Variants in GSK3B observed in about 807,000 individuals in gnomAD.
The protein encoded by GSK3B is glycogen synthase kinase 3 beta.
A neutral mutation model predicts 56.4 loss-of-function variants in GSK3B; 15 were observed. The observed-to-expected ratio is 0.27, with a 90% CI of 0.18 to 0.41. GSK3B has a LOEUF of 0.41. Among genes scored for constraint, GSK3B ranks in the 10% least tolerant of loss-of-function variants. GSK3B has a pLI of 1.00. For missense variants in GSK3B, 300 were observed against 513.4 expected (o/e 0.58, Z 4.02); for synonymous variants, 181 against 188.9 (o/e 0.96, Z 0.34).
intron 10 of GSK3B, among the ~76,000 whole-genome samples, chr3:119,840,163 G>A (rs1374835720): frequency 6.6e-6 from 1 of 151,992 alleles, no homozygotes; most frequent in Non-Finnish European, 1.5e-5. Context: ...TGTCATAAGA[G>A]GATGGATGTC....
At chr3:120,040,148 C>A (rs1405917732) in intron 1 of GSK3B, among the ~76,000 whole-genome samples, 1 of 152,220 alleles carries the variant, frequency 6.6e-6, no homozygotes, top group Non-Finnish European at 1.5e-5. Flanking sequence ...AAAGTATTTC[C>A]TTGGTGGTTG....
Position 119,965,364 on chromosome 3 carries a change from AT to A in GSK3B, c.283-18014del, listed in dbSNP as rs1187887031. Among the ~76,000 whole-genome samples the A allele has an allele frequency of 7.2e-3, 997 of 139,066 alleles. 5 individuals carry two copies. The highest frequency in any genetic ancestry group is 0.011 in the Non-Finnish European group (686 of 64,108). The allele number at this position is 139,066 out of a possible 152,430, so 91.2% of individuals were successfully genotyped here. The stretch of plus-strand genomic sequence containing the variant: ...CAGGTGTTAGCCACCGTGCCCAGCC[AT>A]TTTTTTTTTTTATTTTTATAGAGAC... On this transcript the variant is annotated intron_variant, in intron 2 of 10. Coordinates refer to ENST00000264235, the MANE Select transcript of GSK3B (RefSeq NM_001146156.2).
intron 4 of GSK3B, among the ~76,000 whole-genome samples, chr3:119,922,275 A>AAGGAAGGAAGGAAGGAAGGAAGGG (rs1202734045): frequency 2.8e-5 from 4 of 142,330 alleles, no homozygotes; most frequent in African/African-American, 5.1e-5. Context: ...GGAAGGAAGG[A>AAGGAAGGAAGGAAGGAAGGAAGGG]AGGGAGGAGG....
intron 3 of GSK3B, among the ~76,000 whole-genome samples, chr3:119,937,994 C>G (rs899723269): frequency 6.6e-6 from 1 of 150,568 alleles, no homozygotes; most frequent in Non-Finnish European, 1.5e-5. Flanking sequence ...TACAAATAAT[C>G]GTATGTTAAC....
At chr3:119,892,389 C>G (rs940362637) in intron 7 of GSK3B, among the ~76,000 whole-genome samples, 1 of 152,186 alleles carries the variant, frequency 6.6e-6, no homozygotes, top group Non-Finnish European at 1.5e-5. Context: ...TATTTATCCA[C>G]TCCCTTCCGC....
intron 1 of GSK3B, among the ~76,000 whole-genome samples, chr3:120,046,136 T>C (rs1286247134): frequency 2.0e-5 from 3 of 152,000 alleles, no homozygotes. Flanking sequence ...AATAGGTGGA[T>C]GTTGGGATTC....
intron 7 of GSK3B, among the ~76,000 whole-genome samples, chr3:119,885,659 A>T (rs1249430816): frequency 6.6e-6 from 1 of 152,166 alleles, no homozygotes; most frequent in Non-Finnish European, 1.5e-5. Context: ...ACTGTACTAT[A>T]AGGCTACATT....
intron 8 of GSK3B, among the ~76,000 whole-genome samples, chr3:119,873,811 A>G (rs1205230496): frequency 6.6e-6 from 1 of 152,140 alleles, no homozygotes; most frequent in East Asian, 1.9e-4. Flanking sequence ...CAAATGAGGA[A>G]CCAACATAAG....
chr3:119,925,129 G>C (rs2056878394), intron 3 of GSK3B, among the ~76,000 whole-genome samples: 1 of 152,032 alleles, frequency 6.6e-6, no homozygotes, highest in South Asian at 2.1e-4. Flanking sequence ...ATGAGTTTGA[G>C]ACCAGCCTGG....
intron 7 of GSK3B, among the ~76,000 whole-genome samples, chr3:119,888,696 T>C (rs2056467514): frequency 6.6e-6 from 1 of 151,998 alleles, no homozygotes; most frequent in African/African-American, 2.4e-5. Flanking sequence ...TTGGGCAAAA[T>C]AGAGCCATAT....
chr3:119,899,147 T>C (rs750112970), intron 7 of GSK3B, among the ~76,000 whole-genome samples: 7 of 152,088 alleles, frequency 4.6e-5, no homozygotes, highest in Non-Finnish European at 7.4e-5. Context: ...AACGGGCAGG[T>C]AGTGTATACA....
intron 2 of GSK3B, among the ~76,000 whole-genome samples, chr3:119,998,679 C>A (rs2057647539): frequency 6.6e-6 from 1 of 152,102 alleles, no homozygotes; most frequent in African/African-American, 2.4e-5. Context: ...CAGGGCCAGG[C>A]ATGATGATTC....
chr3:120,002,257 AT>A lies in GSK3B; in HGVS notation c.89-19del, dbSNP rs72546692. ...CTTGTCTCCTAAAGGAAGAAAGGAAATTTTTTTTTCACGAGAACTGTAAGGA... is the reference window on the plus strand; with the variant it reads ...CTTGTCTCCTAAAGGAAGAAAGGAAATTTTTTTTCACGAGAACTGTAAGGA... On this transcript the variant is annotated intron_variant, in intron 1 of 10. Transcript: ENST00000264235. 1.3e-4 allele frequency: 191 copies of A among 1,476,064 alleles called. 1 individual carries two copies. The highest frequency in any genetic ancestry group is 5.6e-4 in the South Asian group (38 of 68,436). The allele number at this position is 1,476,064 out of a possible 1,614,324, so 91.4% of individuals were successfully genotyped here.
At chr3:119,829,851 AATT>A (rs1452798136) in intron 10 of GSK3B, among the ~76,000 whole-genome samples, 1 of 152,208 alleles carries the variant, frequency 6.6e-6, no homozygotes, top group South Asian at 2.1e-4. Flanking sequence ...TTTTCTCTTG[AATT>A]ATTTTCAAAT....
chr3:120,033,431 C>G (rs572414386), intron 1 of GSK3B, among the ~76,000 whole-genome samples: 1 of 152,314 alleles, frequency 6.6e-6, no homozygotes, highest in African/African-American at 2.4e-5. Context: ...ATTTTACATT[C>G]CCACAGCAGT....
At chr3:119,906,656 C>A (rs1194717962) in intron 6 of GSK3B, among the ~76,000 whole-genome samples, 1 of 152,016 alleles carries the variant, frequency 6.6e-6, no homozygotes, top group Non-Finnish European at 1.5e-5. Flanking sequence ...TATTTTAAAG[C>A]CCGCTATTAA....
chr3:119,940,020 A>C lies in GSK3B; in HGVS notation c.366+7248T>G, dbSNP rs2057032118. ...GGGAACACCAAGAACTAATGGTTAG[A>C]GGTAATGAAAGAAAAACTAATACAT... On this transcript the variant is annotated intron_variant, in intron 3 of 10. Coordinates refer to ENST00000264235, the MANE Select transcript of GSK3B (RefSeq NM_001146156.2). Among the ~76,000 whole-genome samples the C allele has an allele frequency of 2.0e-5, 3 of 152,086 alleles. No individual in the cohort carries two copies. In the South Asian group the frequency reaches 6.2e-4, roughly 32 times the overall value.
At chr3:119,863,309 C>T (rs2056132159) in intron 9 of GSK3B, 110 bp downstream of exon 9, 2 of 846,716 alleles carry the variant, frequency 2.4e-6, no homozygotes, top group South Asian at 1.6e-5. Flanking sequence ...TACCTAAGTA[C>T]TTAATATGTC....
In GSK3B at chr3:119,824,453, T is replaced by C. The variant is rs1559796398; in HGVS notation, c.*2335A>G. ...ACCTGTTTCCTAAAATAAGCACTGA[T>C]TTTTATGGACTCTGGGGAGTATACC... is the stretch of plus-strand genomic sequence containing the variant. On this transcript the variant is annotated 3_prime_UTR_variant, in exon 11 of 11. Transcript: ENST00000264235. 4.6e-6 allele frequency: 1 copy of C among 215,406 alleles called. No homozygotes were observed. The allele number at this position is 215,406 out of a possible 1,614,324, so 13.3% of individuals were successfully genotyped here. A position where few individuals can be genotyped will look rare whatever the true frequency, so the allele number is the denominator to read the frequency against.
Sources: allele counts gnomAD v4.1 joint callset (sites outside exome capture counted in the v4.1 genomes callset), GRCh38; gene constraint gnomAD v4.1.1; transcripts MANE v1.5; gene names NCBI Gene and HGNC (gene_info 2026-07-23, HGNC 2026-07-21).